Variants in LRBA observed in about 807,000 individuals in gnomAD.
LRBA encodes lipopolysaccharide-responsive and beige-like anchor protein.
LRBA carries 176 observed loss-of-function variants against 330.0 expected under a neutral mutation model. The observed-to-expected ratio is 0.53, with a 90% CI of 0.47 to 0.60. The LOEUF (loss-of-function observed/expected upper bound fraction) is 0.60. Among genes scored for constraint, LRBA ranks in the 20% least tolerant of loss-of-function variants. The pLI, the probability that LRBA is intolerant of heterozygous loss-of-function variation, is 0.00. For missense variants in LRBA, 3,259 were observed against 3,444.8 expected (o/e 0.95, Z 1.35); for synonymous variants, 1,230 against 1,193.0 (o/e 1.03, Z -0.64).
intron 18 of LRBA, among the ~76,000 whole-genome samples, chr4:150,872,109 T>C (rs932693461): frequency 6.6e-5 from 10 of 152,158 alleles, no homozygotes; most frequent in Non-Finnish European, 1.5e-4. Flanking sequence ...ATTGTGGCTG[T>C]TTTCCAATAA....
chr4:150,456,999 A>T (rs531156987), intron 44 of LRBA, among the ~76,000 whole-genome samples: 2 of 152,086 alleles, frequency 1.3e-5, no homozygotes, highest in East Asian at 3.9e-4. Flanking sequence ...GATTTGTAAA[A>T]TCTTTTCTTT....
intron 37 of LRBA, among the ~76,000 whole-genome samples, chr4:150,659,719 G>A (rs1323546213): frequency 3.6e-4 from 3 of 8,232 alleles, no homozygotes; most frequent in African/African-American, 4.8e-4. Flanking sequence ...ATCCGGGAGG[G>A]AGGTGGGGGG....
Position 150,828,593 on chromosome 4 carries a change from T to TA in LRBA, c.4757dup (p.Leu1586PhefsTer10). 6.2e-7 allele frequency: 1 copy of TA among 1,613,970 alleles called. No homozygotes were observed. The highest frequency in any genetic ancestry group is 8.5e-7 in the Non-Finnish European group (1 of 1,179,932). On this transcript the variant is annotated frameshift_variant, in exon 30 of 57. Transcript: ENST00000651943. LOFTEE classifies it high-confidence loss of function. ...CAGATTCTTCCACTGATGCCGTAGT[T>TA]AAAGTGCTGAATGCTGCTGGTGTGA...
chr4:150,868,758 C>A (rs1560939528), intron 20 of LRBA, among the ~76,000 whole-genome samples: 2 of 151,976 alleles, frequency 1.3e-5, no homozygotes, highest in African/African-American at 4.8e-5. Context: ...GCCAACATGG[C>A]AAAACCCCAT....
At chr4:150,901,766 T>C (rs891926211) in intron 13 of LRBA, among the ~76,000 whole-genome samples, 8 of 152,308 alleles carry the variant, frequency 5.3e-5, no homozygotes, top group African/African-American at 1.9e-4. Flanking sequence ...CAAAACCATA[T>C]ATGTATCTAT....
At position 150,440,189 on chromosome 4, in the gene LRBA, T is replaced by C. The variant is rs754617515; in HGVS notation, c.6781-3325A>G. ...TTTAAAGGAAAGTGACTCAAAATAC[T>C]GGCCATTAAAAATGGTCATAATTTC... On this transcript the variant is annotated intron_variant, in intron 44 of 56. Transcript: ENST00000651943. 2.6e-5 allele frequency among the ~76,000 whole-genome samples: 4 copies of C among 152,124 alleles called. 1 individual carries two copies. The highest frequency in any genetic ancestry group is 4.8e-5 in the African/African-American group (2 of 41,430).
At chr4:150,338,612 G>T (rs12711271) in intron 48 of LRBA, among the ~76,000 whole-genome samples, 101,923 of 151,910 alleles carry the variant, frequency 0.67, 34,679 homozygotes, top group African/African-American at 0.74. Flanking sequence ...CTTTTCCTTT[G>T]ATCAAAACCT....
chr4:150,599,183 T>C, intron 37 of LRBA, 52 bp from the exon 38 acceptor site: 1 of 1,596,074 alleles, frequency 6.3e-7, no homozygotes. Context: ...AACAGCGTGG[T>C]AGCACTGAAT....
rs760075270 is a variant in LRBA, at chr4:150,761,851, TAAA to T, written c.5581-7_5581-5del. On this transcript the variant is annotated splice_region_variant and splice_polypyrimidine_tract_variant and intron_variant, in intron 34 of 56. Coordinates refer to ENST00000651943, the MANE Select transcript of LRBA (RefSeq NM_001364905.1). ...TCTGAATAGAATTTTGCCACTCCTA[TAAA>T]AAAAAAAGCAAAAATAGCTGAAGAA... The T allele has an allele frequency of 7.7e-7, 1 of 1,305,928 alleles. No homozygotes were observed. The allele number at this position is 1,305,928 out of a possible 1,614,324, so 80.9% of individuals were successfully genotyped here. A position where few individuals can be genotyped will look rare whatever the true frequency, so the allele number is the denominator to read the frequency against.
chr4:150,592,114 G>T (rs914952364), intron 38 of LRBA, among the ~76,000 whole-genome samples: 1 of 144,426 alleles, frequency 6.9e-6, no homozygotes, highest in Non-Finnish European at 1.5e-5. Flanking sequence ...CCCAGGCTGC[G>T]GCTTTTGATA....
intron 48 of LRBA, among the ~76,000 whole-genome samples, chr4:150,344,251 A>AACT (rs1187985215): frequency 1.3e-5 from 2 of 152,214 alleles, no homozygotes; most frequent in African/African-American, 2.4e-5. Flanking sequence ...ATGCTTGTAC[A>AACT]ACTCTGTGAA....
At chr4:150,440,612 T>C (rs900171876) in intron 44 of LRBA, among the ~76,000 whole-genome samples, 4 of 151,886 alleles carry the variant, frequency 2.6e-5, no homozygotes, top group African/African-American at 7.3e-5. Context: ...CCTGTCTCTA[T>C]AAAAATCAGA....
intron 36 of LRBA, among the ~76,000 whole-genome samples, chr4:150,728,187 A>T (rs6838297): frequency 0.065 from 9,940 of 152,192 alleles, 1,006 homozygotes; most frequent in African/African-American, 0.22. Context: ...ACAGACCAAT[A>T]ACAAGTGACA....
At chr4:151,003,488 G>A (rs547815755) in intron 2 of LRBA, among the ~76,000 whole-genome samples, 1 of 151,858 alleles carries the variant, frequency 6.6e-6, no homozygotes, top group East Asian at 1.9e-4. Flanking sequence ...GAACAAAGCT[G>A]GAGGTGTCAC....
chr4:150,713,558 C>T (rs754555860), intron 36 of LRBA, among the ~76,000 whole-genome samples: 12 of 152,118 alleles, frequency 7.9e-5, no homozygotes, highest in East Asian at 1.9e-4. Context: ...GTAACTGTAA[C>T]GTGGCAAAGT....
intron 40 of LRBA, among the ~76,000 whole-genome samples, chr4:150,563,160 A>G (rs530314317): frequency 6.6e-6 from 1 of 152,236 alleles, no homozygotes; most frequent in African/African-American, 2.4e-5. Flanking sequence ...GACCCTTGCA[A>G]TCTAACAATA....
intron 22 of LRBA, among the ~76,000 whole-genome samples, chr4:150,862,180 G>A (rs951136661): frequency 9.2e-5 from 14 of 152,106 alleles, no homozygotes; most frequent in African/African-American, 3.4e-4. Context: ...CCATTACTGG[G>A]TATATACCCA....
At chr4:150,708,435 A>G (rs1785849613) in intron 36 of LRBA, among the ~76,000 whole-genome samples, 1 of 151,844 alleles carries the variant, frequency 6.6e-6, no homozygotes, top group African/African-American at 2.4e-5. Context: ...AGATAAATAT[A>G]TGGTCTACAG....
chr4:150,822,685 T>G (rs1745628247), intron 30 of LRBA, among the ~76,000 whole-genome samples: 1 of 152,088 alleles, frequency 6.6e-6, no homozygotes, highest in African/African-American at 2.4e-5. Context: ...TCCCATGAGT[T>G]TGAGGCTGCA....
Sources: allele counts gnomAD v4.1 joint callset (sites outside exome capture counted in the v4.1 genomes callset), GRCh38; gene constraint gnomAD v4.1.1; transcripts MANE v1.5; gene names NCBI Gene and HGNC (gene_info 2026-07-23, HGNC 2026-07-21).